Variants in ZNF362 observed in about 807,000 individuals in gnomAD.
ZNF362 encodes zinc finger protein 362, also known as rotund homolog.
In ZNF362, 11 loss-of-function variants were observed where a neutral mutation model predicts 42.9. The observed-to-expected ratio is 0.26, with a 90% CI of 0.16 to 0.42. The LOEUF (loss-of-function observed/expected upper bound fraction) is 0.42. Among genes scored for constraint, ZNF362 ranks in the 20% least tolerant of loss-of-function variants. ZNF362 has a pLI of 1.00. For synonymous variants in ZNF362, 255 were observed against 257.3 expected (o/e 0.99, Z 0.09); for missense variants, 362 against 576.2 (o/e 0.63, Z 3.81).
At chr1:33,297,031 G>A (rs1646129816) in intron 8 of ZNF362, among the ~76,000 whole-genome samples, 1 of 152,130 alleles carries the variant, frequency 6.6e-6, no homozygotes, top group South Asian at 2.1e-4. Context: ...AGGTGGGGTT[G>A]TTGGCAGTAC....
the ZNF362 span, among the ~76,000 whole-genome samples, chr1:33,150,899 A>C: frequency 6.6e-6 from 1 of 152,220 alleles, no homozygotes; most frequent in Non-Finnish European, 1.5e-5. Context: ...GTGCCCAGGC[A>C]TGAACAGCAG....
At position 33,295,281 on chromosome 1, in the gene ZNF362, C is replaced by T; in HGVS notation, c.1122C>T (p.Ser374=). ...AGCACGCCAAGGCCTACTGCTGCAG[C>T]ATGTGTGGGCGGGCCTACACCTCGG... ...AIKHAKAYCC[S]MCGRAYTSET... is the part of the protein sequence containing the mutation. Residue 374 remains serine (S), a synonymous_variant, in exon 8 of 9, where the codon AGC becomes AGT. Transcript: ENST00000539719. 3 of 1,614,200 alleles carry T rather than the reference C, an allele frequency of 1.9e-6. No homozygotes were observed. The highest frequency in any genetic ancestry group is 2.5e-6 in the Non-Finnish European group (3 of 1,180,036).
At chr1:33,161,157 A>G in the ZNF362 span, among the ~76,000 whole-genome samples, 1 of 152,256 alleles carries the variant, frequency 6.6e-6, no homozygotes, top group Admixed American at 6.5e-5. The surrounding 1 kb of genome is among the most constrained non-coding windows in gnomAD (Gnocchi z 4.3). Flanking sequence ...GCGCACTCCA[A>G]GGCGCAGAGA....
chr1:33,253,120 G>C (rs947384659), upstream of ZNF362, among the ~76,000 whole-genome samples: 1 of 150,898 alleles, frequency 6.6e-6, no homozygotes, highest in African/African-American at 2.4e-5. Context: ...ACAGAGATGA[G>C]ATGAGGAGAA....
the ZNF362 span, among the ~76,000 whole-genome samples, chr1:33,232,405 C>T: frequency 3.3e-5 from 5 of 152,142 alleles, no homozygotes; most frequent in African/African-American, 1.2e-4. Flanking sequence ...ACTACAGGCT[C>T]ACGCCACCAT....
the ZNF362 span, among the ~76,000 whole-genome samples, chr1:33,235,588 G>A: frequency 1.3e-5 from 2 of 152,220 alleles, no homozygotes; most frequent in Admixed American, 6.5e-5. Flanking sequence ...CACTATAGGT[G>A]TAGGGACCAC....
At chr1:33,181,642 C>T in the ZNF362 span, 23 of 892,582 alleles carry the variant, frequency 2.6e-5, no homozygotes, top group South Asian at 3.4e-4. This position sits in a 1 kb window ranked among gnomAD's most constrained non-coding sequence, Gnocchi z 6.5. Flanking sequence ...GACGCCAGCC[C>T]GGGAGGGCAG....
intron 6 of ZNF362, among the ~76,000 whole-genome samples, chr1:33,291,091 G>C (rs1646074784): frequency 6.6e-6 from 1 of 152,128 alleles, no homozygotes; most frequent in Non-Finnish European, 1.5e-5. Context: ...TGTCAATTTT[G>C]GCTTTTGTTG....
At chr1:33,176,903 A>G in the ZNF362 span, among the ~76,000 whole-genome samples, 1 of 152,238 alleles carries the variant, frequency 6.6e-6, no homozygotes, top group South Asian at 2.1e-4. Context: ...AGTCCCAGGC[A>G]TTCAGACTGG....
intron 8 of ZNF362, among the ~76,000 whole-genome samples, chr1:33,295,748 C>T (rs12073145): frequency 0.017 from 2,561 of 152,310 alleles, 66 homozygotes; most frequent in African/African-American, 0.058. Context: ...ATTCAGCTCC[C>T]GTCCCTGGGT....
At chr1:33,155,994 C>T in the ZNF362 span, among the ~76,000 whole-genome samples, 2 of 152,182 alleles carry the variant, frequency 1.3e-5, no homozygotes, top group African/African-American at 4.8e-5. Flanking sequence ...AGAAGAGAAT[C>T]CCCCAAGCGC....
the ZNF362 span, among the ~76,000 whole-genome samples, chr1:33,171,630 G>A: frequency 1.8e-4 from 28 of 152,238 alleles, 1 homozygote; most frequent in African/African-American, 6.3e-4. Flanking sequence ...GCAGTTAGTC[G>A]AGGAGGAAGA....
chr1:33,213,866 A>C, the ZNF362 span, among the ~76,000 whole-genome samples: 9 of 152,164 alleles, frequency 5.9e-5, no homozygotes, highest in East Asian at 3.9e-4. Context: ...GCAAACCAAA[A>C]CAAAACAAAA....
chr1:33,289,531 A>G (rs1418698848), intron 6 of ZNF362, among the ~76,000 whole-genome samples: 6 of 152,202 alleles, frequency 3.9e-5, no homozygotes, highest in Admixed American at 2.6e-4. Context: ...TTACTGGTCA[A>G]GAGGGCTTGG....
At chr1:33,256,853 G>A (rs1003799619) in intron 1 of ZNF362, among the ~76,000 whole-genome samples, 199 bp downstream of exon 1, 1 of 148,744 alleles carries the variant, frequency 6.7e-6, no homozygotes, top group Non-Finnish European at 1.5e-5. Flanking sequence ...CGGCAGCGGG[G>A]CGCGCGGGGT....
intron 6 of ZNF362, among the ~76,000 whole-genome samples, chr1:33,284,443 C>T (rs1367650710): frequency 1.3e-5 from 2 of 152,082 alleles, no homozygotes; most frequent in Non-Finnish European, 2.9e-5. Flanking sequence ...AACTAATGAT[C>T]GTAAAAGAAA....
chr1:33,139,267 C>T, the ZNF362 span, among the ~76,000 whole-genome samples: 1 of 152,164 alleles, frequency 6.6e-6, no homozygotes, highest in Admixed American at 6.5e-5. Flanking sequence ...TATCTCTGGT[C>T]TGTAAGTTCC....
chr1:33,129,830 G>A, the ZNF362 span, among the ~76,000 whole-genome samples: 1 of 152,156 alleles, frequency 6.6e-6, no homozygotes, highest in Non-Finnish European at 1.5e-5. The surrounding 1 kb of genome is among the most constrained non-coding windows in gnomAD (Gnocchi z 4.1). Context: ...ATTTCTGAGC[G>A]GGGGAGAGAG....
the ZNF362 span, among the ~76,000 whole-genome samples, chr1:33,170,962 G>A: frequency 4.1e-4 from 62 of 152,324 alleles, no homozygotes; most frequent in African/African-American, 1.2e-3. Flanking sequence ...ACTGTGTCCC[G>A]TATGCGGCTC....
Sources: gnomAD v4.1 joint callset for allele counts (sites outside exome capture counted in the v4.1 genomes callset) on GRCh38, gnomAD v4.1.1 for gene constraint, Gnocchi (gnomAD v3.1) non-coding constraint, MANE v1.5 for transcripts, NCBI Gene and HGNC (gene_info 2026-07-23, HGNC 2026-07-21) for gene names.